Variants in DLG2 observed in about 807,000 individuals in gnomAD.
DLG2 encodes disks large homolog 2.
DLG2 carries 45 observed loss-of-function variants against 132.5 expected under a neutral mutation model. The observed-to-expected ratio is 0.34, with a 90% CI of 0.27 to 0.44. The LOEUF is 0.44. Ranked by LOEUF, DLG2 falls within the 20% of genes least tolerant of loss-of-function variation. DLG2 has a pLI of 1.00. For synonymous variants in DLG2, 424 were observed against 419.6 expected, an observed-to-expected ratio of 1.01 and a Z score of -0.13; for missense variants, 1,045 against 1,196.9, an observed-to-expected ratio of 0.87 and a Z score of 1.87.
intron 6 of DLG2, among the ~76,000 whole-genome samples, chr11:84,669,543 A>G (rs1006703017): frequency 1.3e-5 from 2 of 150,024 alleles, no homozygotes; most frequent in Non-Finnish European, 2.9e-5. Context: ...TTCTTTTGAC[A>G]AAGTGTTAGC....
chr11:85,396,911 T>C lies in DLG2; in HGVS notation c.41-111546A>G, dbSNP rs555851373. ...TAGCAAGGCAGGCCAACATTCAAAT[T>C]CAGGAAATAAGGAGAACACCACAAA... On this transcript the variant is annotated intron_variant, in intron 3 of 27. Coordinates refer to ENST00000376104, the MANE Select transcript of DLG2 (RefSeq NM_001142699.3). 4.6e-5 allele frequency among the ~76,000 whole-genome samples: 7 copies of C among 152,204 alleles called. No homozygotes were observed. The South Asian group carries it at 1.5e-3, about 32-fold the overall frequency.
intron 3 of DLG2, among the ~76,000 whole-genome samples, chr11:85,410,516 C>T (rs886115508): frequency 6.6e-6 from 1 of 151,614 alleles, no homozygotes; most frequent in Non-Finnish European, 1.5e-5. Flanking sequence ...CTACAATCTG[C>T]CCCAAAATTG....
chr11:85,039,279 A>G (rs1213863763), intron 6 of DLG2, among the ~76,000 whole-genome samples: 3 of 123,516 alleles, frequency 2.4e-5, no homozygotes, highest in African/African-American at 9.6e-5. Context: ...CCCAAATGTC[A>G]TAATTCCCCA....
chr11:84,708,451 G>A (rs1467308443), intron 6 of DLG2, among the ~76,000 whole-genome samples: 4 of 151,758 alleles, frequency 2.6e-5, no homozygotes, highest in Admixed American at 6.6e-5. Flanking sequence ...CTCTAAGACC[G>A]TTTTTGAAAT....
intron 3 of DLG2, among the ~76,000 whole-genome samples, chr11:85,503,810 T>C (rs2153136154): frequency 6.6e-6 from 1 of 152,144 alleles, no homozygotes; most frequent in East Asian, 1.9e-4. Context: ...CACACACCTG[T>C]AGTCCCAGCT....
intron 7 of DLG2, among the ~76,000 whole-genome samples, chr11:84,523,738 T>C (rs1037919608): frequency 2.1e-4 from 32 of 152,342 alleles, no homozygotes; most frequent in African/African-American, 7.2e-4. Flanking sequence ...GTTTTGGCAA[T>C]AGTGAAATCT....
chr11:83,789,729 G>A (rs1370300719), intron 17 of DLG2, among the ~76,000 whole-genome samples: 1 of 152,096 alleles, frequency 6.6e-6, no homozygotes, highest in Non-Finnish European at 1.5e-5. Context: ...TGTATTTTTA[G>A]CAGAGATGGG....
At chr11:85,081,713 G>A (rs2067253661) in intron 6 of DLG2, among the ~76,000 whole-genome samples, 1 of 152,122 alleles carries the variant, frequency 6.6e-6, no homozygotes, top group Non-Finnish European at 1.5e-5. Context: ...TATTGGAGTT[G>A]GAATTACTGT....
chr11:85,476,856 T>C (rs754656336), intron 3 of DLG2, among the ~76,000 whole-genome samples: 15 of 152,114 alleles, frequency 9.9e-5, no homozygotes, highest in Non-Finnish European at 1.3e-4. Flanking sequence ...AACTTTTTTT[T>C]TAATAAGTGG....
chr11:84,242,626 G>A (rs889685221), intron 8 of DLG2, among the ~76,000 whole-genome samples: 15 of 152,004 alleles, frequency 9.9e-5, no homozygotes, highest in Non-Finnish European at 1.9e-4. Context: ...GGCTGGTCTC[G>A]AACTTCTAAC....
intron 8 of DLG2, chr11:84,167,006 G>C (rs781168639): frequency 5.6e-6 from 3 of 533,202 alleles, no homozygotes. Context: ...GAGCTTCACA[G>C]TTGGGGTTTC....
Position 84,945,474 on chromosome 11 carries a change from C to T in DLG2, c.357+166187G>A, listed in dbSNP as rs533132381. Among the ~76,000 whole-genome samples the T allele has an allele frequency of 5.3e-5, 8 of 152,336 alleles. No homozygotes were observed. In the East Asian group the frequency reaches 1.5e-3, roughly 29 times the overall value. On this transcript the variant is annotated intron_variant, in intron 6 of 27. Transcript: ENST00000376104. ...ATGGAGGGATGACAAAAACAACCCTCTGGCTACCACCACTGGGACTGTGCT... is the reference window on the plus strand; with the variant it reads ...ATGGAGGGATGACAAAAACAACCCTTTGGCTACCACCACTGGGACTGTGCT...
chr11:84,010,554 C>G (rs542178383), intron 11 of DLG2, among the ~76,000 whole-genome samples: 3 of 151,900 alleles, frequency 2.0e-5, no homozygotes, highest in Admixed American at 6.6e-5. Context: ...CTCCTGCCTC[C>G]GTCTCCCAAG....
At chr11:85,176,659 C>A (rs1024656025) in intron 4 of DLG2, among the ~76,000 whole-genome samples, 2 of 152,152 alleles carry the variant, frequency 1.3e-5, no homozygotes, top group African/African-American at 4.8e-5. Flanking sequence ...AAGAAACTAT[C>A]ATCAGAGTGA....
chr11:85,444,129 C>T (rs2091905836), intron 3 of DLG2, among the ~76,000 whole-genome samples: 1 of 152,126 alleles, frequency 6.6e-6, no homozygotes, highest in Non-Finnish European at 1.5e-5. Flanking sequence ...TCACCTACTA[C>T]CTCAATGTGT....
chr11:83,608,014 G>A (rs977895066), intron 19 of DLG2, among the ~76,000 whole-genome samples: 3 of 148,204 alleles, frequency 2.0e-5, no homozygotes, highest in South Asian at 2.1e-4. Flanking sequence ...GACGTCTTAC[G>A]GGGTGTTAGA....
intron 6 of DLG2, among the ~76,000 whole-genome samples, chr11:84,604,644 T>C (rs2099582303): frequency 6.6e-6 from 1 of 151,848 alleles, no homozygotes; most frequent in African/African-American, 2.4e-5. Flanking sequence ...GAAAGTAAAA[T>C]GTATTGCTAA....
chr11:83,501,202 C>CTTTTTTTTTTTTTT (rs66954557), intron 21 of DLG2, among the ~76,000 whole-genome samples: 3 of 137,624 alleles, frequency 2.2e-5, no homozygotes, highest in Non-Finnish European at 4.7e-5. Context: ...TTTTTCTTTT[C>CTTTTTTTTTTTTTT]TTTTTTTTTT....
chr11:83,517,151 T>A (rs2095323855), intron 21 of DLG2, among the ~76,000 whole-genome samples: 1 of 152,228 alleles, frequency 6.6e-6, no homozygotes, highest in Non-Finnish European at 1.5e-5. Context: ...CCCGTCACTT[T>A]CAGGTACACC....
Sources: allele counts gnomAD v4.1 joint callset (sites outside exome capture counted in the v4.1 genomes callset), GRCh38; gene constraint gnomAD v4.1.1; transcripts MANE v1.5; gene names NCBI Gene and HGNC (gene_info 2026-07-23, HGNC 2026-07-21).